Variants in ZNF347 observed in about 807,000 individuals in gnomAD.
ZNF347 encodes the protein zinc finger protein 347.
ZNF347 carries 19 observed loss-of-function variants against 12.9 expected under a neutral mutation model. The observed-to-expected ratio is 1.47, with a 90% CI of 1.03 to 2.16. The LOEUF (loss-of-function observed/expected upper bound fraction) is 2.16, where lower values mean the gene tolerates loss of function less well. Among genes scored for constraint, ZNF347 ranks in the 30% most tolerant of loss-of-function variants. The pLI, the probability that ZNF347 is intolerant of heterozygous loss-of-function variation, is 0.00. For missense variants in ZNF347, 1,005 were observed against 990.6 expected, an observed-to-expected ratio of 1.01 and a Z score of -0.19; for synonymous variants, 328 against 340.6, an observed-to-expected ratio of 0.96 and a Z score of 0.41.
chr19:53,142,684 T>C, intron 4 of ZNF347, 128 bp from the exon 5 acceptor site: 1 of 695,634 alleles, frequency 1.4e-6, no homozygotes, highest in Admixed American at 3.6e-5. Flanking sequence ...TAAACAGATT[T>C]ATGAAACTTC....
In ZNF347 at chr19:53,140,443, A is replaced by G; in HGVS notation, c.2385T>C (p.Cys795=). The part of the protein sequence containing the change: ...RIHTGEKPYE[C]GKPFSICSSL... ...TTGAACAGATACTAAAGGGTTTCCC[A>G]CACTCATATGGTTTCTCTCCGGTAT... Residue 795 remains cysteine (C), a synonymous_variant, in exon 5 of 5, where the codon TGT becomes TGC. Coordinates refer to ENST00000334197, the MANE Select transcript of ZNF347 (RefSeq NM_032584.3). 13 of 1,614,152 alleles carry G rather than the reference A, an allele frequency of 8.1e-6. No individual in the cohort carries two copies. Among genetic ancestry groups the G allele is most frequent in the Non-Finnish European group, 1.1e-5 (13 of 1,179,998 alleles).
chr19:53,155,265 T>C (rs1049146896), intron 1 of ZNF347, among the ~76,000 whole-genome samples: 1 of 150,672 alleles, frequency 6.6e-6, no homozygotes, highest in Non-Finnish European at 1.5e-5. Context: ...GTTTTAAAGA[T>C]GGAGCGTAGA....
At chr19:53,152,048 G>T (rs1485534654) in intron 2 of ZNF347, among the ~76,000 whole-genome samples, 1 of 126,922 alleles carries the variant, frequency 7.9e-6, no homozygotes, top group Non-Finnish European at 1.7e-5. Flanking sequence ...AGCCGAGATT[G>T]CACCACTGCA....
At position 53,140,325 on chromosome 19, in the gene ZNF347, G is replaced by C; in HGVS notation, c.2503C>G (p.Pro835Ala). 1 of 1,551,988 alleles carries C rather than the reference G, an allele frequency of 6.4e-7. No homozygotes were observed. Reference sequence around the variant, plus strand: ...TCTCTCCACTATGAATTCTGTGATGGCTTGCAAGGTTTGAACTCTGACTTT... The same window carrying C: ...TCTCTCCACTATGAATTCTGTGATGCCTTGCAAGGTTTGAACTCTGACTTT... ...VLKSEFKPCK[P>A]SQNS Residue 835 changes from proline (P) to alanine (A), a missense_variant, in exon 5 of 5, where the codon CCA becomes GCA. By Grantham distance (27) the Pro-to-Ala change is conservative. Transcript: ENST00000334197.
rs944054130 is a variant in ZNF347 at position 53,138,251 on chromosome 19, G to A, written c.*2057C>T. The A allele has an allele frequency of 6.6e-6, 1 of 152,188 alleles. No homozygotes were observed. The highest frequency in any genetic ancestry group is 1.5e-5 in the Non-Finnish European group (1 of 68,088). The allele number at this position is 152,188 out of a possible 1,614,324, so 9.4% of individuals were successfully genotyped here. A position where few individuals can be genotyped will look rare whatever the true frequency, so the allele number is the denominator to read the frequency against. On this transcript the variant is annotated 3_prime_UTR_variant, in exon 5 of 5. Transcript: ENST00000334197. ...TGCCTCAGTCTCCCTGAGGAGCTGGGACTACAGGCATGAGCCACCCTGCCT... is the reference window on the plus strand; with the variant it reads ...TGCCTCAGTCTCCCTGAGGAGCTGGAACTACAGGCATGAGCCACCCTGCCT...
At chr19:53,142,607 A>G in intron 4 of ZNF347, 51 bp from the exon 5 acceptor site, 1 of 1,382,278 alleles carries the variant, frequency 7.2e-7, no homozygotes, top group Non-Finnish European at 9.6e-7. Flanking sequence ...GTACGTAAAC[A>G]AGTATTTTAC....
Position 53,153,812 on chromosome 19 carries a change from G to T in ZNF347, c.-46-19C>A. 1 of 1,601,068 alleles carries T rather than the reference G, an allele frequency of 6.2e-7. No homozygotes were observed. The highest frequency in any genetic ancestry group is 8.6e-7 in the Non-Finnish European group (1 of 1,168,864). On this transcript the variant is annotated intron_variant, in intron 1 of 4. Coordinates refer to ENST00000334197, the MANE Select transcript of ZNF347 (RefSeq NM_032584.3). ...GTTCTTCCTTAGGTAACAGGAAAGT[G>T]CCTTTAGAAGTCAATATTGAATATC...
At chr19:53,144,512 T>C (rs553266476) in intron 4 of ZNF347, among the ~76,000 whole-genome samples, 1 of 152,162 alleles carries the variant, frequency 6.6e-6, no homozygotes, top group African/African-American at 2.4e-5. Context: ...TTAGGGGACT[T>C]CAAAACACAA....
chr19:53,151,814 G>T (rs2090499899), intron 2 of ZNF347, among the ~76,000 whole-genome samples: 1 of 151,996 alleles, frequency 6.6e-6, no homozygotes, highest in Non-Finnish European at 1.5e-5. Context: ...TGATGTGTGG[G>T]CTGGGTGCAG....
intron 1 of ZNF347, among the ~76,000 whole-genome samples, chr19:53,156,643 T>G (rs2090537723): frequency 6.6e-6 from 1 of 152,176 alleles, no homozygotes; most frequent in South Asian, 2.1e-4. Flanking sequence ...ATGTGTAAAC[T>G]AAGTGAAGTG....
At chr19:53,158,222 A>AG in intron 1 of ZNF347, among the ~76,000 whole-genome samples, 1 of 152,156 alleles carries the variant, frequency 6.6e-6, no homozygotes. Flanking sequence ...GGGACTGCGA[A>AG]GGGGAGGCCT....
chr19:53,146,577 G>C (rs1276455567), intron 4 of ZNF347, among the ~76,000 whole-genome samples: 1 of 152,054 alleles, frequency 6.6e-6, no homozygotes, highest in South Asian at 2.1e-4. Flanking sequence ...TGCCTAGCTT[G>C]AAAAGTAGGT....
At chr19:53,152,442 A>C (rs1431215882) in intron 2 of ZNF347, among the ~76,000 whole-genome samples, 5 of 151,762 alleles carry the variant, frequency 3.3e-5, no homozygotes, top group African/African-American at 1.2e-4. Flanking sequence ...CCTTGTCTCT[A>C]CTAAAAATAT....
chr19:53,149,812 G>C (rs947959559), intron 2 of ZNF347, among the ~76,000 whole-genome samples: 2 of 152,088 alleles, frequency 1.3e-5, no homozygotes, highest in Non-Finnish European at 2.9e-5. Context: ...CTTCAGGATA[G>C]GGAAACACAC....
chr19:53,140,334 G>A lies in ZNF347; in HGVS notation c.2494C>T (p.Pro832Ser), dbSNP rs147132499. 2 of 1,568,090 alleles carry A rather than the reference G, an allele frequency of 1.3e-6. No individual in the cohort carries two copies. The highest frequency in any genetic ancestry group is 2.4e-5 in the South Asian group (2 of 82,080). ...TATGAATTCTGTGATGGCTTGCAAG[G>A]TTTGAACTCTGACTTTAGAACTTTC... ...VWKVLKSEFK[P>S]CKPSQNS The change falls in exon 5 of 5, where the codon CCT (proline) becomes TCT (serine). Residue 832 changes from proline to serine, a missense_variant. By Grantham distance (74) the Pro-to-Ser change is moderately conservative. Coordinates refer to ENST00000334197, the MANE Select transcript of ZNF347 (RefSeq NM_032584.3).
Position 53,141,440 on chromosome 19 carries a change from C to T in ZNF347, c.1388G>A (p.Gly463Asp). ...GEKPYKCHEC[G>D]KVFRRNSHLA... ...GTGTGAATTACGCCTAAAGACCTTGCCGCATTCATGACATTTGTAAGGCTT... is the reference window on the plus strand; with the variant it reads ...GTGTGAATTACGCCTAAAGACCTTGTCGCATTCATGACATTTGTAAGGCTT... The change falls in exon 5 of 5, where the codon GGC (glycine) becomes GAC (aspartate). Residue 463 changes from glycine to aspartate, a missense_variant. Gly to Asp is a moderately conservative substitution (Grantham distance 94). Transcript: ENST00000334197. 1 of 1,613,836 alleles carries T rather than the reference C, an allele frequency of 6.2e-7. No individual in the cohort carries two copies. The highest frequency in any genetic ancestry group is 2.2e-5 in the East Asian group (1 of 44,866).
chr19:53,149,277 C>T lies in ZNF347; in HGVS notation c.106G>A (p.Val36Met), dbSNP rs765677009. The change falls in exon 3 of 5, where the codon GTG becomes ATG. Residue 36 changes from valine to methionine, a missense_variant. Transcript: ENST00000334197. ...AGGTTCCTATAATTCTCCAACATCA[C>T]GTCCCTGTACAAAGTCCTCTGAGCG... ...DPAQRTLYRDVMLENYRNLAS... is the reference protein window; with the variant it reads ...DPAQRTLYRDMMLENYRNLAS... The T allele has an allele frequency of 1.9e-5, 30 of 1,613,604 alleles. No homozygotes were observed. The highest frequency in any genetic ancestry group is 1.0e-4 in the Admixed American group (6 of 59,888).
chr19:53,141,340 TG>T lies in ZNF347; in HGVS notation c.1487del (p.Ala496AspfsTer5). On this transcript the variant is annotated frameshift_variant, in exon 5 of 5. Coordinates refer to ENST00000334197, the MANE Select transcript of ZNF347 (RefSeq NM_032584.3). LOFTEE classifies it low-confidence loss of function (END_TRUNC). Reference sequence around the variant, plus strand: ...CCTGATGGGTAGTTAGGTTTGAATGTGCTCTAAAGGCTTTGCCACACTCATT... The same window carrying T: ...CCTGATGGGTAGTTAGGTTTGAATGTCTCTAAAGGCTTTGCCACACTCATT... ...KCNECGKAFRAHSNLTTHQVI... is the reference protein window; with the variant it reads ...KCNECGKAFRXHSNLTTHQVI... 15 of 1,613,288 alleles carry T rather than the reference TG, an allele frequency of 9.3e-6. No homozygotes were observed. The highest frequency in any genetic ancestry group is 1.3e-5 in the Non-Finnish European group (15 of 1,179,850).
In ZNF347 at chr19:53,139,898, GCATT is replaced by G. The variant is rs2090408845; in HGVS notation, c.*406_*409del. 1 of 164,708 alleles carries G rather than the reference GCATT, an allele frequency of 6.1e-6. No homozygotes were observed. Among genetic ancestry groups the G allele is most frequent in the Non-Finnish European group, 1.3e-5 (1 of 75,334 alleles). The allele number at this position is 164,708 out of a possible 1,614,324, so 10.2% of individuals were successfully genotyped here. A position where few individuals can be genotyped will look rare whatever the true frequency, so the allele number is the denominator to read the frequency against. ...TCATGAGGAGTTTGCCACAGTCATT[GCATT>G]TTTTTTTTTTCCTTTAAGATGGAGT... On this transcript the variant is annotated 3_prime_UTR_variant, in exon 5 of 5. Coordinates refer to ENST00000334197, the MANE Select transcript of ZNF347 (RefSeq NM_032584.3).
Sources: gnomAD v4.1 joint callset for allele counts (sites outside exome capture counted in the v4.1 genomes callset) on GRCh38, gnomAD v4.1.1 for gene constraint, MANE v1.5 for transcripts, NCBI Gene and HGNC (gene_info 2026-07-23, HGNC 2026-07-21) for gene names.